Variants in GRID2 observed in about 807,000 individuals in gnomAD.
GRID2 encodes glutamate receptor ionotropic, delta-2.
Under a neutral mutation model 114.8 loss-of-function variants are expected in GRID2, and 33 were observed. That is an observed-to-expected ratio of 0.29 (90% CI 0.22 to 0.38). The LOEUF (loss-of-function observed/expected upper bound fraction) is 0.38, where lower values mean the gene tolerates loss of function less well. Among genes scored for constraint, GRID2 ranks in the 10% least tolerant of loss-of-function variants. GRID2 has a pLI of 1.00. For missense variants in GRID2, 1,184 were observed against 1,257.7 expected (o/e 0.94, Z 0.89); for synonymous variants, 505 against 449.9 (o/e 1.12, Z -1.55).
intron 4 of GRID2, among the ~76,000 whole-genome samples, chr4:93,200,099 G>A (rs1382851624): frequency 1.3e-5 from 2 of 152,164 alleles, no homozygotes; most frequent in African/African-American, 2.4e-5. Context: ...GATATAGTTT[G>A]AACTGTAAAT....
intron 3 of GRID2, among the ~76,000 whole-genome samples, chr4:93,104,442 T>A (rs1732001745): frequency 1.3e-5 from 2 of 152,064 alleles, no homozygotes. Flanking sequence ...TATCTCCTAA[T>A]GCTATCCCTC....
At chr4:92,835,755 A>C (rs1742408828) in intron 2 of GRID2, among the ~76,000 whole-genome samples, 1 of 152,198 alleles carries the variant, frequency 6.6e-6, no homozygotes, top group Non-Finnish European at 1.5e-5. Flanking sequence ...ACACAAATGT[A>C]TGCATACATA....
intron 1 of GRID2, among the ~76,000 whole-genome samples, chr4:92,544,864 G>C (rs17019529): frequency 0.22 from 33,205 of 152,042 alleles, 3,924 homozygotes; most frequent in South Asian, 0.3. Flanking sequence ...GAGCAATATA[G>C]CTTCATCTAA....
intron 2 of GRID2, among the ~76,000 whole-genome samples, chr4:92,813,673 T>C (rs1393174181): frequency 6.6e-6 from 1 of 151,810 alleles, no homozygotes; most frequent in Non-Finnish European, 1.5e-5. Context: ...CACACACACA[T>C]ATACTCACAC....
intron 14 of GRID2, among the ~76,000 whole-genome samples, chr4:93,726,847 CTT>C (rs1560948668): frequency 6.6e-6 from 1 of 152,156 alleles, no homozygotes; most frequent in African/African-American, 2.4e-5. Context: ...TATCCTGAGA[CTT>C]TGCTGAAATT....
chr4:92,461,049 A>C (rs1441321831), intron 1 of GRID2, among the ~76,000 whole-genome samples: 1 of 151,332 alleles, frequency 6.6e-6, no homozygotes, highest in Non-Finnish European at 1.5e-5. Context: ...CTATTGTTTT[A>C]ATTTTTAAAG....
chr4:93,546,752 T>G (rs1486413187), intron 13 of GRID2, among the ~76,000 whole-genome samples: 1 of 152,228 alleles, frequency 6.6e-6, no homozygotes, highest in Non-Finnish European at 1.5e-5. Context: ...TCCTGGCTTT[T>G]CTATCAGAAT....
intron 4 of GRID2, among the ~76,000 whole-genome samples, chr4:93,191,530 A>G (rs890785777): frequency 6.6e-6 from 1 of 152,146 alleles, no homozygotes; most frequent in South Asian, 2.1e-4. Context: ...AATTTACTCT[A>G]AATATATTTT....
At chr4:92,944,965 A>T (rs1463952842) in intron 2 of GRID2, among the ~76,000 whole-genome samples, 2 of 152,124 alleles carry the variant, frequency 1.3e-5, no homozygotes, top group African/African-American at 2.4e-5. Context: ...CATATTTGCC[A>T]CTGTTTTCAT....
At chr4:93,537,687 T>G (rs1034670387) in intron 13 of GRID2, among the ~76,000 whole-genome samples, 2 of 151,806 alleles carry the variant, frequency 1.3e-5, no homozygotes, top group Admixed American at 1.3e-4. Context: ...AGTTGATGCT[T>G]TCTGTCAACA....
At chr4:92,311,295 T>G (rs1391502447) in intron 1 of GRID2, among the ~76,000 whole-genome samples, 2 of 152,050 alleles carry the variant, frequency 1.3e-5, no homozygotes, top group South Asian at 4.1e-4. Flanking sequence ...TTCAAAGTTC[T>G]TCACTATCCT....
intron 13 of GRID2, among the ~76,000 whole-genome samples, chr4:93,610,893 C>A (rs1292036396): frequency 7.2e-6 from 1 of 139,612 alleles, no homozygotes; most frequent in Admixed American, 7.0e-5. Context: ...GGAATGGTAC[C>A]AGTTCCTCCT....
chr4:93,669,176 A>G (rs1340987589), intron 14 of GRID2, among the ~76,000 whole-genome samples: 1 of 152,050 alleles, frequency 6.6e-6, no homozygotes, highest in Non-Finnish European at 1.5e-5. Context: ...ATAGTATTAG[A>G]CATACAGGAA....
intron 2 of GRID2, among the ~76,000 whole-genome samples, chr4:92,871,235 C>T (rs1359376824): frequency 6.6e-6 from 1 of 151,294 alleles, no homozygotes; most frequent in Non-Finnish European, 1.5e-5. Context: ...TAATTGTTAA[C>T]TATGTTTTAT....
intron 8 of GRID2, among the ~76,000 whole-genome samples, chr4:93,293,701 G>A (rs928530157): frequency 6.6e-6 from 1 of 152,086 alleles, no homozygotes; most frequent in Non-Finnish European, 1.5e-5. Flanking sequence ...AAAATGGCTA[G>A]CCTCTCAAGG....
intron 4 of GRID2, among the ~76,000 whole-genome samples, chr4:93,191,383 C>T (rs983896081): frequency 6.6e-6 from 1 of 151,986 alleles, no homozygotes; most frequent in Non-Finnish European, 1.5e-5. Flanking sequence ...TACCTAACTT[C>T]TAAAATGTTG....
chr4:93,365,798 C>A (rs1003172224), intron 8 of GRID2, among the ~76,000 whole-genome samples: 1 of 152,102 alleles, frequency 6.6e-6, no homozygotes, highest in African/African-American at 2.4e-5. Context: ...TCAGGGACCC[C>A]AAATGGAGGG....
chr4:93,156,592 A>G (rs372253736), intron 4 of GRID2, among the ~76,000 whole-genome samples: 2 of 151,792 alleles, frequency 1.3e-5, no homozygotes, highest in South Asian at 2.1e-4. Flanking sequence ...CTGGCTTACT[A>G]GAATAAGACT....
At chr4:92,758,009 T>A (rs575694022) in intron 2 of GRID2, among the ~76,000 whole-genome samples, 1 of 152,128 alleles carries the variant, frequency 6.6e-6, no homozygotes. Context: ...AATTCACAAG[T>A]AGTAACAATT....
Sources: gnomAD v4.1 joint callset for allele counts (sites outside exome capture counted in the v4.1 genomes callset) on GRCh38, gnomAD v4.1.1 for gene constraint, MANE v1.5 for transcripts, NCBI Gene and HGNC (gene_info 2026-07-23, HGNC 2026-07-21) for gene names.